The following PBX1 variants were observed in gnomAD, a reference collection of about 807,000 sequenced individuals.
The protein encoded by PBX1 is pre-B-cell leukemia transcription factor 1.
PBX1 carries 6 observed loss-of-function variants against 53.4 expected under a neutral mutation model. The ratio of observed to expected loss-of-function variants is 0.11; its 90% CI spans 0.06 to 0.22. PBX1 has a LOEUF of 0.22. Ranked by LOEUF, PBX1 falls within the 10% of genes least tolerant of loss-of-function variation. PBX1 has a pLI of 1.00. For missense variants in PBX1, 251 were observed against 551.4 expected, an observed-to-expected ratio of 0.46 and a Z score of 5.46; for synonymous variants, 204 against 212.3, an observed-to-expected ratio of 0.96 and a Z score of 0.34.
At position 164,713,559 on chromosome 1, in the gene PBX1, C is replaced by T. The variant is rs144191026; in HGVS notation, c.266-78935C>T. On this transcript the variant is annotated intron_variant, in intron 2 of 8. Coordinates refer to ENST00000420696, the MANE Select transcript of PBX1 (RefSeq NM_002585.4). ...TCTCTCCACCCCTCTTCTCCCCCTT[C>T]CTTCCATCCTCTCCTTGCTTTCTGT... Among the ~76,000 whole-genome samples the T allele has an allele frequency of 8.4e-3, 1,284 of 152,282 alleles. 11 individuals carry two copies. Among genetic ancestry groups the T allele is most frequent in the Non-Finnish European group, 0.012 (838 of 68,026 alleles).
chr1:164,838,878 T>C (rs866713963), intron 8 of PBX1, among the ~76,000 whole-genome samples: 1 of 152,226 alleles, frequency 6.6e-6, no homozygotes, highest in South Asian at 2.1e-4. Context: ...AAGTGCTTAA[T>C]TGAGCAGCTG....
intron 8 of PBX1, among the ~76,000 whole-genome samples, chr1:164,825,295 C>G (rs77249757): frequency 0.019 from 2,818 of 152,316 alleles, 39 homozygotes; most frequent in Non-Finnish European, 0.025. Context: ...CCTTCTCCCC[C>G]TCTTCTCTCT....
chr1:164,609,332 C>T (rs764206133), intron 2 of PBX1, among the ~76,000 whole-genome samples: 1 of 152,076 alleles, frequency 6.6e-6, no homozygotes, highest in Non-Finnish European at 1.5e-5. Context: ...CCCTGTAACC[C>T]ACCCTGCTTC....
intron 2 of PBX1, among the ~76,000 whole-genome samples, chr1:164,779,930 C>T (rs1667850336): frequency 6.6e-6 from 1 of 152,174 alleles, no homozygotes; most frequent in Non-Finnish European, 1.5e-5. Context: ...GTAAGAACCA[C>T]AGTAAATAAG....
chr1:164,691,853 A>G (rs140239395), intron 2 of PBX1, among the ~76,000 whole-genome samples: 267 of 152,332 alleles, frequency 1.8e-3, no homozygotes, highest in Non-Finnish European at 2.9e-3. Flanking sequence ...TGATGCCACA[A>G]GTGGAAAATT....
intron 2 of PBX1, among the ~76,000 whole-genome samples, chr1:164,857,957 C>G (rs1307180079): frequency 1.3e-5 from 2 of 152,144 alleles, no homozygotes; most frequent in Admixed American, 6.5e-5. Context: ...TGTGATTTCT[C>G]TAACATATCT....
At chr1:164,638,819 A>G (rs1658944898) in intron 2 of PBX1, among the ~76,000 whole-genome samples, 1 of 152,244 alleles carries the variant, frequency 6.6e-6, no homozygotes, top group Admixed American at 6.5e-5. Context: ...CCAGGGTCAG[A>G]GTGCCGGCCT....
rs191388817 is a variant in PBX1 at position 164,595,355 on chromosome 1, G to A, written c.265+32044G>A. Among the ~76,000 whole-genome samples the A allele has an allele frequency of 3.1e-4, 47 of 152,334 alleles. 1 individual carries two copies. The highest frequency in any genetic ancestry group is 1.1e-3 in the African/African-American group (47 of 41,584). ...CTGGTGAGCCAAGTGGGCAGTGGCA[G>A]TAGAGCAGTTTTCAGTAGTGGTCCC... On this transcript the variant is annotated intron_variant, in intron 2 of 8. Coordinates refer to ENST00000420696, the MANE Select transcript of PBX1 (RefSeq NM_002585.4).
intron 2 of PBX1, among the ~76,000 whole-genome samples, chr1:164,630,815 G>A (rs1220460161): frequency 6.6e-6 from 1 of 152,194 alleles, no homozygotes; most frequent in Non-Finnish European, 1.5e-5. Context: ...TCTTTGCCTT[G>A]ATAATGTGCT....
chr1:164,603,924 ATTTCATTTTTTTT>A (rs1553214811), intron 2 of PBX1, among the ~76,000 whole-genome samples: 1 of 78,290 alleles, frequency 1.3e-5, no homozygotes, highest in Admixed American at 1.3e-4. Context: ...ACATTATGTC[ATTTCATTTTTTTT>A]TTTTTTTTTT....
chr1:164,835,848 T>A lies in PBX1; in HGVS notation c.1201-10736T>A, dbSNP rs746992606. The stretch of plus-strand genomic sequence containing the variant: ...AAGGCAGATCTGTAAGTGATACCAG[T>A]ATTGATCTTAAAATAAATAAATTAA... On this transcript the variant is annotated intron_variant, in intron 8 of 8. Coordinates refer to ENST00000420696, the MANE Select transcript of PBX1 (RefSeq NM_002585.4). 4.6e-4 allele frequency among the ~76,000 whole-genome samples: 70 copies of A among 152,188 alleles called. 1 individual carries two copies. Among genetic ancestry groups the A allele is most frequent in the Admixed American group, 2.6e-3 (40 of 15,268 alleles).
At chr1:164,765,521 C>T (rs1667018025) in intron 2 of PBX1, among the ~76,000 whole-genome samples, 2 of 152,166 alleles carry the variant, frequency 1.3e-5, no homozygotes, top group South Asian at 2.1e-4. Context: ...TGACTTTCAC[C>T]TAGTAAACAC....
chr1:164,806,024 A>C (rs776924234), intron 4 of PBX1, among the ~76,000 whole-genome samples: 21 of 152,202 alleles, frequency 1.4e-4, no homozygotes, highest in Non-Finnish European at 2.9e-4. Context: ...TGTTGGCTAA[A>C]TTGGGAAATC....
At position 164,849,386 on chromosome 1, in the gene PBX1, C is replaced by T; in HGVS notation, c.*2710C>T. The T allele has an allele frequency of 6.5e-7, 1 of 1,535,676 alleles. No individual in the cohort carries two copies. The highest frequency in any genetic ancestry group is 2.4e-5 in the East Asian group (1 of 40,906). The stretch of plus-strand genomic sequence containing the variant: ...CAAGCCCACTATCACTTCCGACTTC[C>T]AACGTGGCATCCGTGAGATCTGTCC... On this transcript the variant is annotated 3_prime_UTR_variant, in exon 9 of 9. Transcript: ENST00000420696.
chr1:164,741,754 G>GTT (rs1438111233), intron 2 of PBX1, among the ~76,000 whole-genome samples: 1 of 151,410 alleles, frequency 6.6e-6, no homozygotes, highest in Non-Finnish European at 1.5e-5. Context: ...GTGTGTGTGT[G>GTT]TGTGTGTGTG....
At chr1:164,624,152 A>G (rs1253459590) in intron 2 of PBX1, among the ~76,000 whole-genome samples, 1 of 152,212 alleles carries the variant, frequency 6.6e-6, no homozygotes, top group African/African-American at 2.4e-5. Context: ...TTTTTAAGCA[A>G]TTGCTACTGT....
intron 2 of PBX1, chr1:164,577,004 G>GGTGT (rs1654293703): frequency 1.3e-5 from 2 of 152,256 alleles, no homozygotes; most frequent in South Asian, 4.1e-4. Flanking sequence ...TGAGCACGTG[G>GGTGT]GTGAGTGTGT....
At chr1:164,675,887 T>G (rs1661406705) in intron 2 of PBX1, among the ~76,000 whole-genome samples, 1 of 152,218 alleles carries the variant, frequency 6.6e-6, no homozygotes, top group African/African-American at 2.4e-5. Flanking sequence ...GTGTTCTGTG[T>G]GGACTGTGTG....
chr1:164,566,786 T>C (rs1442549750), intron 2 of PBX1, among the ~76,000 whole-genome samples: 1 of 152,220 alleles, frequency 6.6e-6, no homozygotes, highest in East Asian at 1.9e-4. Flanking sequence ...TATTTATAGA[T>C]AGCAATGAAT....
Sources: allele counts gnomAD v4.1 joint callset (sites outside exome capture counted in the v4.1 genomes callset), GRCh38; gene constraint gnomAD v4.1.1; transcripts MANE v1.5; gene names NCBI Gene and HGNC (gene_info 2026-07-23, HGNC 2026-07-21).